Variants in NXPE4 observed in about 807,000 individuals in gnomAD.
The protein encoded by NXPE4 is NXPE family member 4.
Under a neutral mutation model 33.3 loss-of-function variants are expected in NXPE4, and 42 were observed. That is an observed-to-expected ratio of 1.26 (90% confidence interval 0.98 to 1.63). NXPE4 has a LOEUF of 1.63. NXPE4 is among the 40% of genes most tolerant of loss of function. NXPE4 has a pLI of 0.00. For missense variants in NXPE4, 709 were observed against 647.6 expected (o/e 1.09, Z -1.03); for synonymous variants, 253 against 234.9 (o/e 1.08, Z -0.71).
At chr11:114,608,710 A>G in the NXPE4 span, among the ~76,000 whole-genome samples, 29 of 151,684 alleles carry the variant, frequency 1.9e-4, no homozygotes, top group Non-Finnish European at 3.7e-4. Flanking sequence ...AACCAGGTGG[A>G]TAATAAGTAC....
intron 5 of NXPE4, 115 bp from the exon 6 acceptor site, chr11:114,571,588 T>A: frequency 1.0e-6 from 1 of 1,001,350 alleles, no homozygotes; most frequent in South Asian, 1.7e-5. Flanking sequence ...TCATGTCTAA[T>A]TTATTATAGG....
At chr11:114,574,187 A>G (rs926196990) in intron 5 of NXPE4, among the ~76,000 whole-genome samples, 24 of 152,182 alleles carry the variant, frequency 1.6e-4, no homozygotes, top group African/African-American at 5.5e-4. Context: ...ACAAGCTATC[A>G]AAACCTCTGG....
the NXPE4 span, among the ~76,000 whole-genome samples, chr11:114,640,151 A>G: frequency 3.7e-5 from 3 of 80,126 alleles, no homozygotes; most frequent in Admixed American, 3.0e-4. Context: ...AATATATGAT[A>G]TATTAATAAT....
chr11:114,623,737 AACC>A, the NXPE4 span, among the ~76,000 whole-genome samples: 1 of 152,158 alleles, frequency 6.6e-6, no homozygotes, highest in African/African-American at 2.4e-5. Flanking sequence ...CCTCATGGGT[AACC>A]ACTGTTAACT....
the NXPE4 span, among the ~76,000 whole-genome samples, chr11:114,666,376 G>T: frequency 6.6e-6 from 1 of 152,006 alleles, no homozygotes; most frequent in African/African-American, 2.4e-5. Context: ...CCAATTTGGG[G>T]ATGAAAGATT....
At chr11:114,609,972 A>T in the NXPE4 span, among the ~76,000 whole-genome samples, 1 of 151,600 alleles carries the variant, frequency 6.6e-6, no homozygotes, top group East Asian at 2.0e-4. Flanking sequence ...GGTGGATAAT[A>T]GTTGTTGCCT....
At chr11:114,637,345 G>T in the NXPE4 span, among the ~76,000 whole-genome samples, 1 of 151,772 alleles carries the variant, frequency 6.6e-6, no homozygotes, top group Non-Finnish European at 1.5e-5. Flanking sequence ...TTTATTTTGA[G>T]CCCATGTGTG....
At chr11:114,652,937 A>C in the NXPE4 span, among the ~76,000 whole-genome samples, 1 of 152,202 alleles carries the variant, frequency 6.6e-6, no homozygotes, top group Non-Finnish European at 1.5e-5. Flanking sequence ...TAAAATCTGA[A>C]GTTTTAGTAT....
At chr11:114,662,576 G>A in the NXPE4 span, among the ~76,000 whole-genome samples, 3 of 152,148 alleles carry the variant, frequency 2.0e-5, no homozygotes, top group African/African-American at 7.2e-5. Flanking sequence ...GTGGCTAAGG[G>A]AGTGCTGGCA....
At chr11:114,646,856 A>G in the NXPE4 span, among the ~76,000 whole-genome samples, 1 of 152,208 alleles carries the variant, frequency 6.6e-6, no homozygotes, top group Non-Finnish European at 1.5e-5. Flanking sequence ...ATGTTTATCC[A>G]AAAAACAAAA....
At chr11:114,579,548 G>A (rs1210422638) in intron 5 of NXPE4, among the ~76,000 whole-genome samples, 2 of 152,168 alleles carry the variant, frequency 1.3e-5, no homozygotes, top group Non-Finnish European at 1.5e-5. Flanking sequence ...CCTCACTTCT[G>A]ACATCTGTTC....
At chr11:114,601,762 T>TAATTATATATATA in the NXPE4 span, among the ~76,000 whole-genome samples, 1 of 70,768 alleles carries the variant, frequency 1.4e-5, no homozygotes, top group Non-Finnish European at 2.4e-5. Context: ...AATATATATG[T>TAATTATATATATA]GATTATATAT....
chr11:114,656,974 G>A, the NXPE4 span, among the ~76,000 whole-genome samples: 1 of 152,108 alleles, frequency 6.6e-6, no homozygotes, highest in African/African-American at 2.4e-5. Flanking sequence ...GACACCTGTA[G>A]TTCCAGCTAC....
intron 2 of NXPE4, 119 bp from the exon 3 acceptor site, chr11:114,583,140 G>T: frequency 1.8e-6 from 2 of 1,098,564 alleles, no homozygotes; most frequent in Middle Eastern, 2.1e-4. Flanking sequence ...TACTTATTGT[G>T]ATTTTGAATA....
the NXPE4 span, among the ~76,000 whole-genome samples, chr11:114,653,505 T>C: frequency 8.6e-5 from 13 of 151,926 alleles, no homozygotes; most frequent in Admixed American, 2.6e-4. Flanking sequence ...TACCTTTTCT[T>C]GTTAGGACTA....
chr11:114,631,584 T>G, the NXPE4 span, among the ~76,000 whole-genome samples: 1 of 151,102 alleles, frequency 6.6e-6, no homozygotes, highest in African/African-American at 2.4e-5. Flanking sequence ...GATGACGAGT[T>G]AGTGGGTGCA....
At chr11:114,623,844 TAA>T in the NXPE4 span, among the ~76,000 whole-genome samples, 1 of 152,024 alleles carries the variant, frequency 6.6e-6, no homozygotes, top group East Asian at 1.9e-4. Context: ...TGGTGGATAA[TAA>T]GTGTTGCCTC....
At chr11:114,674,016 G>A in the NXPE4 span, among the ~76,000 whole-genome samples, 1 of 151,774 alleles carries the variant, frequency 6.6e-6, no homozygotes, top group Non-Finnish European at 1.5e-5. Context: ...CCCCAAAGAT[G>A]ATGATGGGAT....
the NXPE4 span, among the ~76,000 whole-genome samples, chr11:114,602,832 CAT>C: frequency 3.4e-5 from 5 of 145,618 alleles, no homozygotes; most frequent in African/African-American, 7.4e-5. Context: ...ATAATTATCT[CAT>C]ATAATTACAG....
Sources: allele counts gnomAD v4.1 joint callset (sites outside exome capture counted in the v4.1 genomes callset), GRCh38; gene constraint gnomAD v4.1.1; transcripts MANE v1.5; gene names NCBI Gene and HGNC (gene_info 2026-07-23, HGNC 2026-07-21).